Variants in PLPPR1 observed in about 807,000 individuals in gnomAD.
The protein encoded by PLPPR1 is phospholipid phosphatase-related protein type 1.
A neutral mutation model predicts 33.1 loss-of-function variants in PLPPR1; 10 were observed. The ratio of observed to expected loss-of-function variants is 0.30; its 90% CI spans 0.19 to 0.51. The LOEUF is 0.51. Among genes scored for constraint, PLPPR1 ranks in the 20% least tolerant of loss-of-function variants. PLPPR1 has a pLI of 0.97. For missense variants in PLPPR1, 304 were observed against 408.1 expected (o/e 0.74, Z 2.20); for synonymous variants, 151 against 151.0 (o/e 1.00, Z 0.00).
At chr9:101,101,788 G>A (rs75763189) in intron 1 of PLPPR1, among the ~76,000 whole-genome samples, 2,688 of 152,124 alleles carry the variant, frequency 0.018, 50 homozygotes, top group African/African-American at 0.045. Context: ...CTCAAGAACT[G>A]TGGTATTTCT....
intron 1 of PLPPR1, among the ~76,000 whole-genome samples, chr9:101,102,145 T>A (rs1320273361): frequency 6.5e-4 from 77 of 118,820 alleles, no homozygotes; most frequent in Non-Finnish European, 9.3e-4. Flanking sequence ...ATTCTTTTTT[T>A]TTTTATTTTA....
chr9:101,193,692 T>C (rs1366056692), intron 2 of PLPPR1, among the ~76,000 whole-genome samples: 2 of 152,230 alleles, frequency 1.3e-5, no homozygotes, highest in East Asian at 1.9e-4. Context: ...AAAAAATCAA[T>C]AGGATAATAT....
chr9:101,136,870 A>G (rs1170976472), intron 1 of PLPPR1, among the ~76,000 whole-genome samples: 1 of 152,162 alleles, frequency 6.6e-6, no homozygotes, highest in Non-Finnish European at 1.5e-5. Flanking sequence ...CTAAAAATAT[A>G]GTTACATAGA....
intron 7 of PLPPR1, among the ~76,000 whole-genome samples, chr9:101,322,831 G>A (rs955735485): frequency 1.3e-4 from 20 of 152,142 alleles, no homozygotes; most frequent in African/African-American, 4.3e-4. Flanking sequence ...TTGATCTGAT[G>A]TGCATTATAT....
intron 1 of PLPPR1, among the ~76,000 whole-genome samples, chr9:101,037,304 G>T (rs996330559): frequency 4.6e-5 from 7 of 152,038 alleles, no homozygotes; most frequent in African/African-American, 1.7e-4. Context: ...ATGTTAGAAA[G>T]GGCTTTTTCT....
At chr9:101,070,569 T>C (rs632880) in intron 1 of PLPPR1, among the ~76,000 whole-genome samples, 101,092 of 151,818 alleles carry the variant, frequency 0.67, 33,831 homozygotes, top group East Asian at 0.89. Context: ...GGACTAAGGA[T>C]TGAGCACTGG....
intron 1 of PLPPR1, among the ~76,000 whole-genome samples, chr9:101,136,317 G>T (rs1405361521): frequency 6.6e-6 from 1 of 152,194 alleles, no homozygotes; most frequent in Non-Finnish European, 1.5e-5. Context: ...AGCTTATGCG[G>T]TCAGTATTAG....
intron 1 of PLPPR1, among the ~76,000 whole-genome samples, chr9:101,118,962 A>G (rs907384053): frequency 6.6e-6 from 1 of 151,934 alleles, no homozygotes; most frequent in Non-Finnish European, 1.5e-5. Flanking sequence ...GATGACATCC[A>G]TGAAACATGA....
At chr9:101,031,115 T>C (rs1298674376) in intron 1 of PLPPR1, among the ~76,000 whole-genome samples, 1 of 152,180 alleles carries the variant, frequency 6.6e-6, no homozygotes, top group Non-Finnish European at 1.5e-5. Context: ...GAAATTGGCA[T>C]AGAGGGGATT....
At chr9:101,133,852 C>A (rs1284673780) in intron 1 of PLPPR1, among the ~76,000 whole-genome samples, 1 of 152,152 alleles carries the variant, frequency 6.6e-6, no homozygotes, top group Non-Finnish European at 1.5e-5. Context: ...AACCCAGGTG[C>A]AAGTCCCAGC....
chr9:101,081,210 C>CT (rs888946756), intron 1 of PLPPR1, among the ~76,000 whole-genome samples: 3 of 151,926 alleles, frequency 2.0e-5, no homozygotes, highest in South Asian at 2.1e-4. Flanking sequence ...TAAGTATGTG[C>CT]TTTTTTTTAA....
intron 2 of PLPPR1, among the ~76,000 whole-genome samples, chr9:101,229,983 T>G (rs190360080): frequency 1.1e-3 from 168 of 152,320 alleles, no homozygotes; most frequent in Non-Finnish European, 2.1e-3. Flanking sequence ...TCTTAATTAC[T>G]GTAATTTTGA....
intron 4 of PLPPR1, among the ~76,000 whole-genome samples, chr9:101,294,224 C>G (rs1223825776): frequency 6.8e-6 from 1 of 148,118 alleles, no homozygotes; most frequent in Admixed American, 6.7e-5. Flanking sequence ...AATTCCTCGA[C>G]ACATACACCC....
intron 1 of PLPPR1, among the ~76,000 whole-genome samples, chr9:101,087,206 T>A (rs112584131): frequency 0.028 from 4,064 of 143,902 alleles, 131 homozygotes; most frequent in African/African-American, 0.083. Flanking sequence ...AAAATAAAAA[T>A]AAAAAAAATT....
At chr9:101,273,195 C>A (rs554892471) in intron 3 of PLPPR1, among the ~76,000 whole-genome samples, 1 of 152,180 alleles carries the variant, frequency 6.6e-6, no homozygotes, top group Non-Finnish European at 1.5e-5. Context: ...GCCTGTTTCC[C>A]CTAGAAAAAG....
chr9:101,302,875 A>T (rs1233332205), intron 4 of PLPPR1, among the ~76,000 whole-genome samples: 1 of 152,256 alleles, frequency 6.6e-6, no homozygotes, highest in Non-Finnish European at 1.5e-5. Context: ...AAAATGTTCA[A>T]GTATCCTCAA....
chr9:101,128,271 A>C (rs982490956), intron 1 of PLPPR1, among the ~76,000 whole-genome samples: 4 of 152,180 alleles, frequency 2.6e-5, no homozygotes, highest in African/African-American at 9.7e-5. Context: ...AAAGGAAGAA[A>C]AACTTCACTG....
intron 1 of PLPPR1, among the ~76,000 whole-genome samples, chr9:101,109,732 G>A (rs531352527): frequency 2.6e-5 from 4 of 152,062 alleles, no homozygotes; most frequent in Non-Finnish European, 4.4e-5. Flanking sequence ...CAGGATAATC[G>A]CTGTTAGTAT....
At chr9:101,315,611 G>A (rs1388850689) in intron 6 of PLPPR1, among the ~76,000 whole-genome samples, 1 of 152,196 alleles carries the variant, frequency 6.6e-6, no homozygotes, top group African/African-American at 2.4e-5. Flanking sequence ...CCCAATTGAT[G>A]TCAAAATTTG....
Sources: allele counts gnomAD v4.1 joint callset (sites outside exome capture counted in the v4.1 genomes callset), GRCh38; gene constraint gnomAD v4.1.1; transcripts MANE v1.5; gene names NCBI Gene and HGNC (gene_info 2026-07-23, HGNC 2026-07-21).